Variants in SSBP4 observed in about 807,000 individuals in gnomAD.
SSBP4 encodes the protein single-stranded DNA-binding protein 4.
SSBP4 carries 33 observed loss-of-function variants against 64.6 expected under a neutral mutation model. The observed-to-expected ratio is 0.51, with a 90% CI of 0.39 to 0.68. The LOEUF is 0.68. Among genes scored for constraint, SSBP4 ranks in the 30% least tolerant of loss-of-function variants. The probability of loss-of-function intolerance (pLI) is 0.00; values close to 1 mark genes in which losing one functional copy is unlikely to be tolerated. For synonymous variants in SSBP4, 243 were observed against 224.0 expected (o/e 1.08, Z -0.76); for missense variants, 583 against 566.8 (o/e 1.03, Z -0.29).
At chr19:18,409,396 C>T in the SSBP4 span, among the ~76,000 whole-genome samples, 1 of 152,048 alleles carries the variant, frequency 6.6e-6, no homozygotes, top group Non-Finnish European at 1.5e-5. Context: ...CCATGTTGCC[C>T]ATCTGTTCTC....
upstream of SSBP4, among the ~76,000 whole-genome samples, chr19:18,413,965 C>T (rs987992547): frequency 1.3e-5 from 2 of 151,868 alleles, no homozygotes; most frequent in Admixed American, 6.6e-5. Flanking sequence ...TGCAGTGAGC[C>T]GAGATTGTGC....
intron 1 of SSBP4, among the ~76,000 whole-genome samples, chr19:18,424,983 C>T (rs1972742229): frequency 6.6e-6 from 1 of 151,724 alleles, no homozygotes; most frequent in South Asian, 2.1e-4. Flanking sequence ...TCTGGACAGC[C>T]CCTACTTGAA....
rs757846079 is a variant in SSBP4 at position 18,432,143 on chromosome 19, G to T, written c.637-4G>T. Reference sequence around the variant, plus strand: ...TACCCCTCACAGCCCCTTTGCCTCCGCAGAGCTATGGAGGTGGCATGCGAC... The same window carrying T: ...TACCCCTCACAGCCCCTTTGCCTCCTCAGAGCTATGGAGGTGGCATGCGAC... On this transcript the variant is annotated splice_region_variant and splice_polypyrimidine_tract_variant and intron_variant, in intron 9 of 17. Transcript: ENST00000270061. 1.9e-6 allele frequency: 3 copies of T among 1,612,966 alleles called. No homozygotes were observed. Among genetic ancestry groups the T allele is most frequent in the African/African-American group, 1.3e-5 (1 of 74,936 alleles).
rs181837897 is a variant in SSBP4, at chr19:18,429,138, G to A, written c.279+1156G>A. ...CCGAATCCCCGCGGGGACTCGTCAT[G>A]CCGGGCCGTCGCCTCCGTTGCTCTC... On this transcript the variant is annotated intron_variant, in intron 4 of 17. Coordinates refer to ENST00000270061, the MANE Select transcript of SSBP4 (RefSeq NM_032627.5). Among the ~76,000 whole-genome samples the A allele has an allele frequency of 1.1e-4, 16 of 152,280 alleles. No individual in the cohort carries two copies. The East Asian group carries it at 2.9e-3, about 28-fold the overall frequency.
At chr19:18,430,353 T>C (rs1173999455) in intron 4 of SSBP4, among the ~76,000 whole-genome samples, 1 of 152,020 alleles carries the variant, frequency 6.6e-6, no homozygotes, top group Non-Finnish European at 1.5e-5. Flanking sequence ...CAGCACCCTG[T>C]CTTGTCGCCT....
At chr19:18,404,527 G>A in the SSBP4 span, among the ~76,000 whole-genome samples, 17 of 151,280 alleles carry the variant, frequency 1.1e-4, no homozygotes, top group African/African-American at 4.1e-4. Flanking sequence ...CCAAGAGGCA[G>A]AGGTTGTAGT....
At chr19:18,409,905 C>T in the SSBP4 span, among the ~76,000 whole-genome samples, 4 of 152,304 alleles carry the variant, frequency 2.6e-5, no homozygotes, top group Admixed American at 1.3e-4. Context: ...AATCTCGGCT[C>T]ACTGAAATCT....
At chr19:18,417,444 G>A (rs1209126225), upstream of SSBP4, among the ~76,000 whole-genome samples, 2 of 152,192 alleles carry the variant, frequency 1.3e-5, no homozygotes, top group African/African-American at 4.8e-5. The surrounding 1 kb of genome is among the most constrained non-coding windows in gnomAD (Gnocchi z 5.4). Context: ...GGCATCTGCC[G>A]GGCCCGGGAG....
upstream of SSBP4, chr19:18,419,096 T>C (rs1260840567): frequency 1.0e-6 from 1 of 985,408 alleles, no homozygotes; most frequent in Non-Finnish European, 1.2e-6. Context: ...TGAGTGTCGC[T>C]GCGAATGTGT....
intron 1 of SSBP4, 50 bp downstream of exon 1, chr19:18,419,757 C>T: frequency 9.0e-7 from 1 of 1,109,348 alleles, no homozygotes; most frequent in Non-Finnish European, 1.1e-6. Flanking sequence ...CTTCCGTGGG[C>T]TCCGGCGCGG....
intron 4 of SSBP4, among the ~76,000 whole-genome samples, chr19:18,429,177 G>A (rs1973119602): frequency 6.6e-6 from 1 of 152,106 alleles, no homozygotes; most frequent in East Asian, 1.9e-4. Context: ...CTAACTGGGG[G>A]CGCCTTGCCC....
Position 18,432,544 on chromosome 19 carries a change from C to T in SSBP4, c.705-15C>T, listed in dbSNP as rs971405826. 11 of 1,550,548 alleles carry T rather than the reference C, an allele frequency of 7.1e-6. No homozygotes were observed. Among genetic ancestry groups the T allele is most frequent in the African/African-American group, 4.1e-5 (3 of 72,808 alleles). On this transcript the variant is annotated splice_polypyrimidine_tract_variant and intron_variant, in intron 10 of 17. Transcript: ENST00000270061. ...TGGACTAGCCCCAGAGTCTGTCATC[C>T]GCGGTCTCTTCCAGGGGCCCAGGAG...
At chr19:18,410,185 A>G in the SSBP4 span, among the ~76,000 whole-genome samples, 1 of 151,784 alleles carries the variant, frequency 6.6e-6, no homozygotes, top group Non-Finnish European at 1.5e-5. Flanking sequence ...TTTAGTAGAG[A>G]CGGGGTTTCA....
At chr19:18,417,225 T>C (rs1348749754), upstream of SSBP4, among the ~76,000 whole-genome samples, 1 of 152,146 alleles carries the variant, frequency 6.6e-6, no homozygotes, top group African/African-American at 2.4e-5. This position sits in a 1 kb window ranked among gnomAD's most constrained non-coding sequence, Gnocchi z 5.4. Context: ...GCCTCCCCCA[T>C]CAGATTCTGA....
upstream of SSBP4, among the ~76,000 whole-genome samples, chr19:18,416,202 A>AG (rs1484604610): frequency 3.9e-5 from 6 of 152,184 alleles, no homozygotes; most frequent in Middle Eastern, 3.4e-3. Flanking sequence ...TTGAGTAGAG[A>AG]GGGGGTTTCA....
At chr19:18,417,435 G>T (rs1397147587), upstream of SSBP4, among the ~76,000 whole-genome samples, 1 of 152,192 alleles carries the variant, frequency 6.6e-6, no homozygotes, top group Non-Finnish European at 1.5e-5. The surrounding 1 kb of genome is among the most constrained non-coding windows in gnomAD (Gnocchi z 5.4). Flanking sequence ...GGCAGGAGGG[G>T]CATCTGCCGG....
the SSBP4 span, among the ~76,000 whole-genome samples, chr19:18,403,343 C>T: frequency 2.0e-5 from 3 of 152,186 alleles, no homozygotes; most frequent in Non-Finnish European, 4.4e-5. Flanking sequence ...TGCTGAGCGC[C>T]GGTCCCCTGG....
the SSBP4 span, among the ~76,000 whole-genome samples, chr19:18,410,507 G>A: frequency 1.3e-5 from 2 of 152,162 alleles, no homozygotes; most frequent in African/African-American, 4.8e-5. Flanking sequence ...AAAAAGATGC[G>A]CAGGGAGGAG....
upstream of SSBP4, among the ~76,000 whole-genome samples, chr19:18,417,490 T>G (rs568418110): frequency 1.3e-5 from 2 of 152,234 alleles, no homozygotes; most frequent in Admixed American, 1.3e-4. This position sits in a 1 kb window ranked among gnomAD's most constrained non-coding sequence, Gnocchi z 5.4. Flanking sequence ...TGACTTTGGG[T>G]GAGCCACACC....
Sources: allele counts gnomAD v4.1 joint callset (sites outside exome capture counted in the v4.1 genomes callset), GRCh38; gene constraint gnomAD v4.1.1; non-coding constraint Gnocchi (gnomAD v3.1); transcripts MANE v1.5; gene names NCBI Gene and HGNC (gene_info 2026-07-23, HGNC 2026-07-21).